The following SHROOM2 variants were observed in gnomAD, a reference collection of about 807,000 sequenced individuals.
The protein encoded by SHROOM2 is shroom family member 2.
A neutral mutation model predicts 75.9 loss-of-function variants in SHROOM2; 33 were observed. That is an observed-to-expected ratio of 0.43 (90% confidence interval 0.33 to 0.58). The LOEUF is 0.58. Ranked by LOEUF, SHROOM2 falls within the 20% of genes least tolerant of loss-of-function variation. The pLI, the probability that SHROOM2 is intolerant of heterozygous loss-of-function variation, is 0.04. For missense variants in SHROOM2, 1,434 were observed against 1,461.2 expected, an observed-to-expected ratio of 0.98 and a Z score of 0.30; for synonymous variants, 655 against 663.6, an observed-to-expected ratio of 0.99 and a Z score of 0.20.
Position 9,848,111 on chromosome X carries a change from C to T in SHROOM2, c.166-25541C>T, listed in dbSNP as rs1364603584. Among the ~76,000 whole-genome samples, 4 of 112,128 alleles carry T rather than the reference C, an allele frequency of 3.6e-5. 1 individual carries two copies. Among genetic ancestry groups the T allele is most frequent in the Non-Finnish European group, 7.5e-5 (4 of 53,261 alleles). On this transcript the variant is annotated intron_variant, in intron 1 of 9. Coordinates refer to ENST00000380913, the MANE Select transcript of SHROOM2 (RefSeq NM_001649.4). ...CATGTTGCATAGATTTGCAGATCCA[C>T]GTTTACAGATTCCCCACTGTATACT...
At chrX:9,931,220 A>C (rs1188939505) in intron 5 of SHROOM2, among the ~76,000 whole-genome samples, 1 of 110,040 alleles carries the variant, frequency 9.1e-6, no homozygotes, top group East Asian at 2.9e-4. Context: ...CTAAGCTGAG[A>C]GCAGAGGAGG....
chrX:9,912,725 G>A (rs1245159765), intron 5 of SHROOM2: 2 of 112,013 alleles, frequency 1.8e-5, no homozygotes, highest in African/African-American at 6.5e-5. Context: ...TATCTTGAAG[G>A]GCAGGTTGCT....
At chrX:9,935,496 A>T (rs760365048) in intron 6 of SHROOM2, among the ~76,000 whole-genome samples, 189 of 110,997 alleles carry the variant, frequency 1.7e-3, no homozygotes, top group African/African-American at 5.5e-3. Context: ...TTCCTTCATA[A>T]GTCTGACCTA....
intron 1 of SHROOM2, among the ~76,000 whole-genome samples, chrX:9,793,190 T>G (rs1188577749): frequency 2.7e-5 from 3 of 112,133 alleles, no homozygotes; most frequent in Non-Finnish European, 3.8e-5. Flanking sequence ...CTTTTGGTAT[T>G]TCTGTCCATA....
chrX:9,825,271 G>C (rs1164582775), intron 1 of SHROOM2, among the ~76,000 whole-genome samples: 1 of 112,462 alleles, frequency 8.9e-6, no homozygotes, highest in East Asian at 2.8e-4. Context: ...TTTCCAGCCA[G>C]CTTCCTGCAC....
intron 5 of SHROOM2, among the ~76,000 whole-genome samples, chrX:9,911,245 C>T (rs779368193): frequency 8.9e-6 from 1 of 111,792 alleles, no homozygotes; most frequent in South Asian, 3.8e-4. Context: ...TTGCTGACCT[C>T]ACGGCCCTGG....
rs2084834635 is a variant in SHROOM2 at position 9,947,731 on chromosome X, GTTAGC to G, written c.*796_*800del. On this transcript the variant is annotated 3_prime_UTR_variant, in exon 10 of 10. Coordinates refer to ENST00000380913, the MANE Select transcript of SHROOM2 (RefSeq NM_001649.4). ...GAGCGTGTCCAGTAGTAATGTGCTT[GTTAGC>G]TGTTTCTCAAGACCAACAGAAGATT... 1 of 112,573 alleles carries G rather than the reference GTTAGC, an allele frequency of 8.9e-6. No individual in the cohort carries two copies. The highest frequency in any genetic ancestry group is 9.4e-5 in the Admixed American group (1 of 10,633). 9.3% of individuals were successfully genotyped at this position (112,573 alleles called of 1,213,427 possible). A position where few individuals can be genotyped will look rare whatever the true frequency, so the allele number is the denominator to read the frequency against.
At position 9,932,796 on chromosome X, in the gene SHROOM2, C is replaced by T. The variant is rs1188792397; in HGVS notation, c.3513C>T (p.Ser1171=). The T allele has an allele frequency of 8.3e-7, 1 of 1,208,545 alleles. No homozygotes were observed. Among genetic ancestry groups the T allele is most frequent in the Non-Finnish European group, 1.1e-6 (1 of 895,095 alleles). ...CGGCCACCATGGAGACCTCGCGCTC[C>T]CCCTCGCCCCAGTTCGCCCCCCAGA... ...LQTATMETSR[S]PSPQFAPQKL... The change falls in exon 6 of 10, where the codon TCC becomes TCT. Residue 1171 remains serine (S), a synonymous_variant. Coordinates refer to ENST00000380913, the MANE Select transcript of SHROOM2 (RefSeq NM_001649.4).
chrX:9,786,765 G>A (rs2083615828), intron 1 of SHROOM2, 55 bp downstream of exon 1: 5 of 822,173 alleles, frequency 6.1e-6, no homozygotes, highest in Admixed American at 1.4e-4. Context: ...CGCCCTGCGG[G>A]GCGCGTCGAG....
Position 9,898,947 on chromosome X carries a change from A to C in SHROOM2, c.2891+657A>C, listed in dbSNP as rs2084350137. Among the ~76,000 whole-genome samples the C allele has an allele frequency of 6.3e-5, 7 of 111,391 alleles. No homozygotes were observed. In the South Asian group the frequency reaches 2.6e-3, roughly 42 times the overall value. On this transcript the variant is annotated intron_variant, in intron 5 of 9. Transcript: ENST00000380913. ...AGACAAGGACAGGGTTAGATTAAAT[A>C]CATAGTATAATCTGTGCTGGGTGTG...
At chrX:9,845,604 T>G (rs891392001) in intron 1 of SHROOM2, among the ~76,000 whole-genome samples, 2 of 108,859 alleles carry the variant, frequency 1.8e-5, no homozygotes, top group Non-Finnish European at 3.8e-5. Flanking sequence ...GAGTGGTAGT[T>G]CCAGAGACAA....
At chrX:9,891,156 C>T (rs764867274) in intron 3 of SHROOM2, 48 bp downstream of exon 3, 28 of 1,151,713 alleles carry the variant, frequency 2.4e-5, no homozygotes, top group Middle Eastern at 2.4e-4. Context: ...CAGCCTTCTG[C>T]AGGGAGCGCA....
chrX:9,935,410 G>A (rs2084693311), intron 6 of SHROOM2, among the ~76,000 whole-genome samples: 1 of 109,885 alleles, frequency 9.1e-6, no homozygotes, highest in South Asian at 3.9e-4. Flanking sequence ...AAACTCCTGG[G>A]CGCAAGCAGT....
rs749390282 is a variant in SHROOM2, at chrX:9,942,171, G to A, written c.4312-2470G>A. On this transcript the variant is annotated intron_variant, in intron 8 of 9. Coordinates refer to ENST00000380913, the MANE Select transcript of SHROOM2 (RefSeq NM_001649.4). ...CTAAAATTTGGCCACATTCTCAGCT[G>A]TGAGATTCTCAACTTAAACAGTCTC... 6.3e-5 allele frequency among the ~76,000 whole-genome samples: 7 copies of A among 111,116 alleles called. No homozygotes were observed. The South Asian group carries it at 2.7e-3, about 42-fold the overall frequency.
chrX:9,873,896 C>T, intron 2 of SHROOM2, 93 bp downstream of exon 2: 1 of 959,592 alleles, frequency 1.0e-6, no homozygotes, highest in African/African-American at 1.9e-5. Context: ...CACATCACTA[C>T]AGAGATCTCG....
At chrX:9,853,643 G>A (rs558799221) in intron 1 of SHROOM2, among the ~76,000 whole-genome samples, 2 of 111,745 alleles carry the variant, frequency 1.8e-5, no homozygotes, top group African/African-American at 3.3e-5. Flanking sequence ...TGTGGACACC[G>A]TTATTGGATT....
intron 5 of SHROOM2, among the ~76,000 whole-genome samples, chrX:9,923,807 G>C (rs767497966): frequency 8.9e-6 from 1 of 112,165 alleles, no homozygotes; most frequent in Non-Finnish European, 1.9e-5. Flanking sequence ...TTAACCCCTC[G>C]AGAAATCAGT....
intron 6 of SHROOM2, 54 bp downstream of exon 6, chrX:9,932,924 G>A: frequency 9.7e-7 from 1 of 1,031,611 alleles, no homozygotes; most frequent in African/African-American, 1.9e-5. Context: ...GTGGGACGCG[G>A]GTTCTCAGTG....
intron 5 of SHROOM2, among the ~76,000 whole-genome samples, chrX:9,910,010 G>T (rs1443819679): frequency 1.8e-5 from 2 of 110,211 alleles, no homozygotes; most frequent in Non-Finnish European, 1.9e-5. Flanking sequence ...AATCCCATTC[G>T]CAAGAGCTCC....
Sources: gnomAD v4.1 joint callset for allele counts (sites outside exome capture counted in the v4.1 genomes callset) on GRCh38, gnomAD v4.1.1 for gene constraint, MANE v1.5 for transcripts, NCBI Gene and HGNC (gene_info 2026-07-23, HGNC 2026-07-21) for gene names.